SAMSN1: variants seen among roughly 807,000 people sequenced by gnomAD.
The protein encoded by SAMSN1 is SAM domain-containing protein SAMSN-1.
In SAMSN1, 31 loss-of-function variants were observed where a neutral mutation model predicts 42.0. The observed-to-expected ratio is 0.74, with a 90% CI of 0.55 to 1.00. SAMSN1 has a LOEUF of 1.00. SAMSN1 is among the 50% of genes least tolerant of loss of function. The probability of loss-of-function intolerance (pLI) is 0.00; values close to 1 mark genes in which losing one functional copy is unlikely to be tolerated. For missense variants in SAMSN1, 464 were observed against 439.4 expected (o/e 1.06, Z -0.50); for synonymous variants, 178 against 151.9 (o/e 1.17, Z -1.26).
intron 7 of SAMSN1, among the ~76,000 whole-genome samples, chr21:14,588,677 G>A (rs1981995951): frequency 6.6e-6 from 1 of 152,096 alleles, no homozygotes; most frequent in African/African-American, 2.4e-5. Context: ...CCACCCAAGT[G>A]CACATTCCAT....
chr21:14,568,628 G>T (rs1981194752), intron 2 of SAMSN1, among the ~76,000 whole-genome samples: 1 of 152,152 alleles, frequency 6.6e-6, no homozygotes, highest in East Asian at 1.9e-4. Flanking sequence ...TTATTTTACA[G>T]CTAAAGAAAC....
chr21:14,595,020 G>A (rs1259483814), intron 6 of SAMSN1, among the ~76,000 whole-genome samples: 2 of 152,114 alleles, frequency 1.3e-5, no homozygotes, highest in Non-Finnish European at 2.9e-5. Context: ...AGGAGCAAGA[G>A]CAAAAGAATG....
chr21:14,582,838 A>AT (rs893866649), intron 1 of SAMSN1, among the ~76,000 whole-genome samples: 108 of 133,706 alleles, frequency 8.1e-4, no homozygotes, highest in African/African-American at 3.3e-3. Context: ...ATTCTTAAAT[A>AT]TTTTTTTAAT....
chr21:14,520,184 A>C (rs1002392749), intron 2 of SAMSN1, among the ~76,000 whole-genome samples: 2 of 152,168 alleles, frequency 1.3e-5, no homozygotes, highest in Admixed American at 1.3e-4. Context: ...GCTTTTCTTA[A>C]GCTACGGTTA....
chr21:14,519,068 T>C (rs1988041535), intron 2 of SAMSN1, among the ~76,000 whole-genome samples: 1 of 152,220 alleles, frequency 6.6e-6, no homozygotes, highest in Non-Finnish European at 1.5e-5. Context: ...AACATTTTTC[T>C]ATGCCTTTCT....
At chr21:14,556,302 G>T (rs1368276070) in intron 2 of SAMSN1, among the ~76,000 whole-genome samples, 2 of 152,088 alleles carry the variant, frequency 1.3e-5, no homozygotes, top group African/African-American at 4.8e-5. Flanking sequence ...TGATCTTCAT[G>T]CCATCATCTT....
intron 7 of SAMSN1, among the ~76,000 whole-genome samples, chr21:14,494,557 G>A (rs888781787): frequency 6.6e-6 from 1 of 152,120 alleles, no homozygotes; most frequent in African/African-American, 2.4e-5. Context: ...CTGCTTGTCA[G>A]GGGGTGGGGG....
intron 3 of SAMSN1, among the ~76,000 whole-genome samples, chr21:14,513,965 A>T (rs1035302419): frequency 4.6e-5 from 7 of 152,156 alleles, no homozygotes; most frequent in Admixed American, 4.6e-4. Context: ...TGTGCCACTT[A>T]GATCTCTTGC....
At chr21:14,649,119 A>C (rs967548149) in intron 1 of SAMSN1, among the ~76,000 whole-genome samples, 1 of 152,134 alleles carries the variant, frequency 6.6e-6, no homozygotes, top group Non-Finnish European at 1.5e-5. Flanking sequence ...TGTCCTTTGT[A>C]GGGACATGGA....
intron 2 of SAMSN1, among the ~76,000 whole-genome samples, chr21:14,620,956 T>C (rs1037228787): frequency 6.6e-6 from 1 of 152,246 alleles, no homozygotes; most frequent in South Asian, 2.1e-4. Context: ...ATGAAGATTG[T>C]TCACTTGCAT....
At chr21:14,497,074 G>A (rs1986940905) in intron 7 of SAMSN1, among the ~76,000 whole-genome samples, 1 of 152,060 alleles carries the variant, frequency 6.6e-6, no homozygotes. Context: ...GTGTTAGAAA[G>A]TATAACACAG....
chr21:14,545,770 AT>A (rs1980352610), intron 1 of SAMSN1, among the ~76,000 whole-genome samples: 1 of 152,198 alleles, frequency 6.6e-6, no homozygotes, highest in Non-Finnish European at 1.5e-5. Flanking sequence ...TAACCATAAC[AT>A]TTCCATTTTA....
At chr21:14,556,093 A>C (rs994487018) in intron 2 of SAMSN1, among the ~76,000 whole-genome samples, 8 of 152,204 alleles carry the variant, frequency 5.3e-5, no homozygotes, top group Admixed American at 5.2e-4. Flanking sequence ...TCCTTTCCTC[A>C]GAAACGCTAT....
intron 1 of SAMSN1, among the ~76,000 whole-genome samples, chr21:14,654,165 A>C (rs2123400314): frequency 6.6e-6 from 1 of 152,082 alleles, no homozygotes; most frequent in Non-Finnish European, 1.5e-5. Context: ...AGCAGTCTTA[A>C]AAGAGAGAGG....
rs144047886 is a variant in SAMSN1, at chr21:14,629,917, C to T, written c.156+13085G>A. ...TTAAAACAGAGGTCTCTTAAGTGTC[C>T]TTAAATGTGATTTATAAAATTATAT... On this transcript the variant is annotated intron_variant, in intron 2 of 15. Coordinates refer to the SAMSN1 transcript ENST00000647101. 9.9e-3 allele frequency among the ~76,000 whole-genome samples: 1,500 copies of T among 152,170 alleles called. 33 individuals are homozygous for T. The highest frequency in any genetic ancestry group is 0.076 in the South Asian group (368 of 4,822).
chr21:14,582,111 A>T (rs1454372962), intron 2 of SAMSN1: 1 of 1,509,322 alleles, frequency 6.6e-7, no homozygotes, highest in South Asian at 1.3e-5. Flanking sequence ...ATAAGATGAC[A>T]CATTTCCGTA....
chr21:14,528,079 C>A (rs1053767880), intron 1 of SAMSN1, among the ~76,000 whole-genome samples: 1 of 151,826 alleles, frequency 6.6e-6, no homozygotes, highest in East Asian at 1.9e-4. Flanking sequence ...ATAAGATGGC[C>A]GAAGAATTGG....
intron 2 of SAMSN1, among the ~76,000 whole-genome samples, chr21:14,621,618 G>T (rs1254555817): frequency 6.6e-6 from 1 of 152,226 alleles, no homozygotes; most frequent in African/African-American, 2.4e-5. Flanking sequence ...GATAAACAAA[G>T]TGGCTGGGAA....
At chr21:14,650,652 C>A (rs932969016) in intron 1 of SAMSN1, among the ~76,000 whole-genome samples, 5 of 151,496 alleles carry the variant, frequency 3.3e-5, no homozygotes, top group Non-Finnish European at 7.4e-5. Context: ...AACCAAACCC[C>A]AAATTAGTAG....
Sources: gnomAD v4.1 joint callset for allele counts (sites outside exome capture counted in the v4.1 genomes callset) on GRCh38, gnomAD v4.1.1 for gene constraint, MANE v1.5 for transcripts, NCBI Gene and HGNC (gene_info 2026-07-23, HGNC 2026-07-21) for gene names.